The following CDK14 variants were observed in gnomAD, a reference collection of about 807,000 sequenced individuals.
CDK14 encodes the protein cyclin-dependent kinase 14.
CDK14 carries 34 observed loss-of-function variants against 60.7 expected under a neutral mutation model. That is an observed-to-expected ratio of 0.56 (90% CI 0.43 to 0.75). CDK14 has a LOEUF of 0.75. Ranked by LOEUF, CDK14 falls within the 30% of genes least tolerant of loss-of-function variation. The probability of loss-of-function intolerance (pLI) is 0.00; values close to 1 mark genes in which losing one functional copy is unlikely to be tolerated. For missense variants in CDK14, 482 were observed against 564.1 expected (o/e 0.85, Z 1.47); for synonymous variants, 197 against 203.7 (o/e 0.97, Z 0.28).
chr7:90,903,452 T>C (rs996720216), intron 7 of CDK14, among the ~76,000 whole-genome samples: 5 of 152,126 alleles, frequency 3.3e-5, no homozygotes, highest in African/African-American at 1.2e-4. Flanking sequence ...TTAAGTGAAA[T>C]AAGCCCCTCA....
intron 2 of CDK14, among the ~76,000 whole-genome samples, chr7:90,688,098 T>C (rs1801476717): frequency 6.6e-6 from 1 of 152,188 alleles, no homozygotes; most frequent in African/African-American, 2.4e-5. Flanking sequence ...AGTAAAAGGC[T>C]AAGGCTCTAA....
intron 5 of CDK14, among the ~76,000 whole-genome samples, chr7:90,807,115 A>G (rs1788877576): frequency 6.6e-6 from 1 of 152,224 alleles, no homozygotes; most frequent in African/African-American, 2.4e-5. Flanking sequence ...CTTTGAAGAG[A>G]GTAGTGGTTC....
At chr7:90,943,384 A>T (rs1440239242) in intron 8 of CDK14, among the ~76,000 whole-genome samples, 1 of 152,206 alleles carries the variant, frequency 6.6e-6, no homozygotes, top group Non-Finnish European at 1.5e-5. Flanking sequence ...ACAGATTTAT[A>T]TACTGTCTGC....
chr7:90,622,452 G>C (rs945528877), intron 2 of CDK14, among the ~76,000 whole-genome samples: 3 of 152,174 alleles, frequency 2.0e-5, no homozygotes, highest in Admixed American at 2.0e-4. Flanking sequence ...CTAACGCGGT[G>C]ATCTTTCTCT....
At chr7:91,048,015 T>C (rs1797290497) in intron 11 of CDK14, among the ~76,000 whole-genome samples, 1 of 152,170 alleles carries the variant, frequency 6.6e-6, no homozygotes, top group Non-Finnish European at 1.5e-5. Context: ...CCCCGAAGTG[T>C]GCCCTAGAGA....
At chr7:91,160,362 A>C (rs993377351) in intron 14 of CDK14, among the ~76,000 whole-genome samples, 12 of 152,168 alleles carry the variant, frequency 7.9e-5, no homozygotes, top group African/African-American at 2.9e-4. Flanking sequence ...CCTGGAATTT[A>C]TAGATACCTT....
rs187233181 is a variant in CDK14 at position 91,099,159 on chromosome 7, A to G, written c.1155-13383A>G. Among the ~76,000 whole-genome samples the G allele has an allele frequency of 3.9e-4, 60 of 152,292 alleles. No homozygotes were observed. In the East Asian group the frequency reaches 0.011, roughly 27 times the overall value. ...TAGGGTTTCAGAAGAATGAAAGGCT[A>G]GGTAGCCACCATTTCTGTTAACTCC... On this transcript the variant is annotated intron_variant, in intron 12 of 14. Coordinates refer to ENST00000380050, the MANE Select transcript of CDK14 (RefSeq NM_001287135.2).
At chr7:90,914,559 G>T (rs917520607) in intron 7 of CDK14, among the ~76,000 whole-genome samples, 1 of 152,028 alleles carries the variant, frequency 6.6e-6, no homozygotes. Flanking sequence ...GTGGAGATTT[G>T]TTCTTACATT....
chr7:90,964,070 T>A (rs767829393), intron 9 of CDK14, among the ~76,000 whole-genome samples: 3 of 152,192 alleles, frequency 2.0e-5, no homozygotes, highest in Non-Finnish European at 2.9e-5. Context: ...ATGATAATTA[T>A]CCTTGACTAC....
rs898868153 is a variant in CDK14, at chr7:90,863,165, T to C, written c.545-10T>C. 10 of 1,515,830 alleles carry C rather than the reference T, an allele frequency of 6.6e-6. No individual in the cohort carries two copies. The highest frequency in any genetic ancestry group is 2.3e-5 in the East Asian group (1 of 44,148). The allele number at this position is 1,515,830 out of a possible 1,614,324, so 93.9% of individuals were successfully genotyped here. On this transcript the variant is annotated splice_polypyrimidine_tract_variant and intron_variant, in intron 5 of 14. Coordinates refer to ENST00000380050, the MANE Select transcript of CDK14 (RefSeq NM_001287135.2). ...CGATAAATTGTTTCTCTGTCCATTT[T>C]GTTTTACAGCTTCTCTTTTAAAAGG...
chr7:90,621,699 TC>T (rs1177301669), intron 2 of CDK14, among the ~76,000 whole-genome samples: 2 of 151,952 alleles, frequency 1.3e-5, no homozygotes, highest in Non-Finnish European at 2.9e-5. Context: ...CTTCCTTCCT[TC>T]CTTCCTTTGC....
At chr7:90,815,894 A>G (rs927515988) in intron 5 of CDK14, among the ~76,000 whole-genome samples, 2 of 151,364 alleles carry the variant, frequency 1.3e-5, no homozygotes, top group Non-Finnish European at 2.9e-5. Flanking sequence ...AGGGAGGGTA[A>G]CTTCACACAC....
intron 11 of CDK14, among the ~76,000 whole-genome samples, chr7:91,079,059 A>G (rs931509911): frequency 1.3e-5 from 2 of 152,216 alleles, no homozygotes; most frequent in African/African-American, 4.8e-5. Context: ...CATCATAGGA[A>G]AAAAACAGCA....
In CDK14 at chr7:90,882,007, C is replaced by T. The variant is rs141045738; in HGVS notation, c.640-17284C>T. 8.3e-3 allele frequency among the ~76,000 whole-genome samples: 1,258 copies of T among 152,172 alleles called. 24 individuals carry two copies. The highest frequency in any genetic ancestry group is 0.029 in the African/African-American group (1,213 of 41,504). On this transcript the variant is annotated intron_variant, in intron 6 of 14. Transcript: ENST00000380050. ...TACACCAAAATATAAAGACCAATGA[C>T]ACTACGAAGAAACTCCATCAACTAG...
intron 10 of CDK14, among the ~76,000 whole-genome samples, chr7:91,008,135 A>AAC (rs201144014): frequency 0.016 from 2,294 of 144,488 alleles, 80 homozygotes; most frequent in Non-Finnish European, 0.021. Context: ...GCCAAAAAAA[A>AAC]AAAAAAAAAA....
chr7:90,977,442 G>T (rs1795105801), intron 9 of CDK14, among the ~76,000 whole-genome samples: 2 of 142,578 alleles, frequency 1.4e-5, no homozygotes, highest in African/African-American at 2.6e-5. Context: ...AATTAGGGAG[G>T]AATAAGGAAG....
intron 4 of CDK14, among the ~76,000 whole-genome samples, chr7:90,776,219 T>G (rs1805039345): frequency 6.6e-6 from 1 of 152,192 alleles, no homozygotes; most frequent in African/African-American, 2.4e-5. Context: ...GCCTTACTTT[T>G]GTTTAGAATT....
At chr7:91,076,878 C>T (rs922264884) in intron 11 of CDK14, among the ~76,000 whole-genome samples, 2 of 152,146 alleles carry the variant, frequency 1.3e-5, no homozygotes, top group Non-Finnish European at 2.9e-5. Context: ...ATTTATACAG[C>T]CAACAAACAT....
chr7:91,172,607 C>G (rs548612881), intron 14 of CDK14, among the ~76,000 whole-genome samples: 33 of 152,324 alleles, frequency 2.2e-4, no homozygotes, highest in Non-Finnish European at 3.8e-4. Flanking sequence ...CAGAGGGCTG[C>G]ATGATCTGTC....
Sources: allele counts gnomAD v4.1 joint callset (sites outside exome capture counted in the v4.1 genomes callset), GRCh38; gene constraint gnomAD v4.1.1; transcripts MANE v1.5; gene names NCBI Gene and HGNC (gene_info 2026-07-23, HGNC 2026-07-21).